CASP8: variants seen among roughly 807,000 people sequenced by gnomAD.
CASP8 encodes the protein caspase 8, also known as caspase-8.
CASP8 carries 24 observed loss-of-function variants against 46.3 expected under a neutral mutation model. The observed-to-expected ratio is 0.52, with a 90% CI of 0.38 to 0.73. The LOEUF (loss-of-function observed/expected upper bound fraction) is 0.73. Among genes scored for constraint, CASP8 ranks in the 30% least tolerant of loss-of-function variants. The pLI is 0.00. For synonymous variants in CASP8, 188 were observed against 200.4 expected (o/e 0.94, Z 0.52); for missense variants, 460 against 559.0 (o/e 0.82, Z 1.79).
upstream of CASP8, among the ~76,000 whole-genome samples, chr2:201,256,396 A>G (rs532259941): frequency 6.6e-6 from 1 of 152,330 alleles, no homozygotes; most frequent in South Asian, 2.1e-4. Context: ...AACTGTTCAG[A>G]AGTGGAAATG....
intron 2 of CASP8, among the ~76,000 whole-genome samples, chr2:201,248,461 CTT>C (rs1424784777): frequency 6.6e-6 from 1 of 152,164 alleles, no homozygotes; most frequent in Non-Finnish European, 1.5e-5. Context: ...CTGAGTGAGA[CTT>C]TCAGTTAATA....
intron 2 of CASP8, among the ~76,000 whole-genome samples, chr2:201,251,455 C>T (rs540488705): frequency 4.6e-5 from 7 of 151,924 alleles, no homozygotes; most frequent in African/African-American, 1.2e-4. Context: ...ATTAGCTGGG[C>T]GTGGTGGCGT....
At chr2:201,235,977 GCTATACCAT>G (rs1393945937) in intron 2 of CASP8, among the ~76,000 whole-genome samples, 1 of 152,110 alleles carries the variant, frequency 6.6e-6, no homozygotes, top group Non-Finnish European at 1.5e-5. Context: ...TGTGTAGTAG[GCTATACCAT>G]CTAGGTTTTG....
At chr2:201,270,193 G>A (rs933116510) in intron 2 of CASP8, among the ~76,000 whole-genome samples, 1 of 152,192 alleles carries the variant, frequency 6.6e-6, no homozygotes, top group African/African-American at 2.4e-5. Flanking sequence ...TATTCCAAGA[G>A]CCTAAATGTG....
chr2:201,264,899 G>A (rs554420588), intron 1 of CASP8, among the ~76,000 whole-genome samples: 1 of 152,216 alleles, frequency 6.6e-6, no homozygotes, highest in African/African-American at 2.4e-5. Flanking sequence ...CCATTCTAGT[G>A]AGAGGGTAGT....
At chr2:201,281,667 C>A (rs1576366737) in intron 7 of CASP8, among the ~76,000 whole-genome samples, 1 of 152,054 alleles carries the variant, frequency 6.6e-6, no homozygotes, top group Non-Finnish European at 1.5e-5. Context: ...TAAGTTGGAT[C>A]TTTTATTCAA....
chr2:201,281,317 A>C (rs576754697), intron 7 of CASP8, among the ~76,000 whole-genome samples: 1 of 152,202 alleles, frequency 6.6e-6, no homozygotes, highest in East Asian at 1.9e-4. Context: ...TTTTCTAAAA[A>C]AAATTAAAAA....
chr2:201,281,451 T>C (rs1296040877), intron 7 of CASP8, among the ~76,000 whole-genome samples: 2 of 152,204 alleles, frequency 1.3e-5, no homozygotes, highest in Admixed American at 6.5e-5. Flanking sequence ...TAATTAGCAG[T>C]GTACCCAAAT....
At chr2:201,257,432 A>G (rs1358851463), upstream of CASP8, among the ~76,000 whole-genome samples, 11 of 149,742 alleles carry the variant, frequency 7.3e-5, no homozygotes, top group Admixed American at 7.3e-4. Flanking sequence ...CAGTGAGTCA[A>G]GATCGCACCA....
In CASP8 at chr2:201,287,104, G is replaced by C. The variant is rs1400121239; in HGVS notation, c.*510G>C. The C allele has an allele frequency of 1.2e-5, 2 of 173,400 alleles. No individual in the cohort carries two copies. Among genetic ancestry groups the C allele is most frequent in the African/African-American group, 4.8e-5 (2 of 41,612 alleles). 10.7% of individuals were successfully genotyped at this position (173,400 alleles called of 1,614,324 possible). A position where few individuals can be genotyped will look rare whatever the true frequency, so the allele number is the denominator to read the frequency against. The stretch of plus-strand genomic sequence containing the variant: ...TTTTAGCTGGTGGCAATAAATACCA[G>C]ACACGTACAAAATCCAGCTATGAAT... On this transcript the variant is annotated 3_prime_UTR_variant, in exon 9 of 9. Transcript: ENST00000673742.
chr2:201,237,412 A>G (rs2124859381), intron 2 of CASP8, among the ~76,000 whole-genome samples: 1 of 150,028 alleles, frequency 6.7e-6, no homozygotes, highest in East Asian at 1.9e-4. Context: ...TCTTTATGAA[A>G]ACATCTCTCC....
chr2:201,249,656 C>T (rs754247230), intron 2 of CASP8, among the ~76,000 whole-genome samples: 15 of 152,066 alleles, frequency 9.9e-5, no homozygotes, highest in Non-Finnish European at 2.2e-4. Context: ...GCGCGGGAGG[C>T]GGAGGTTGCA....
At chr2:201,249,800 C>G (rs1576231955) in intron 2 of CASP8, among the ~76,000 whole-genome samples, 1 of 152,184 alleles carries the variant, frequency 6.6e-6, no homozygotes, top group East Asian at 1.9e-4. Context: ...CTCCCCTCCC[C>G]ACACTTTCCC....
chr2:201,260,461 C>T, upstream of CASP8: 1 of 819,966 alleles, frequency 1.2e-6, no homozygotes, highest in Non-Finnish European at 1.5e-6. Flanking sequence ...GCGCTCTTTC[C>T]CCTCTAGTGT....
rs3769818 is a variant in CASP8 at position 201,286,440 on chromosome 2, A to G, written c.1305-19A>G. ...GCTTTCCCCCACAGACAGTCACAAT[A>G]TTATGTGATGTATTTCAGAGGCGAT... On this transcript the variant is annotated intron_variant, in intron 8 of 8. Transcript: ENST00000673742. The G allele has an allele frequency of 0.72, 1,162,663 of 1,605,558 alleles. 423,619 individuals carry two copies. The highest frequency in any genetic ancestry group is 0.82 in the South Asian group (74,739 of 90,978).
chr2:201,271,366 C>G (rs1345344486), intron 2 of CASP8, 150 bp from the exon 3 acceptor site: 2 of 688,498 alleles, frequency 2.9e-6, no homozygotes, highest in East Asian at 5.4e-5. Context: ...CCACACCAGC[C>G]TCTTTCCAAG....
intron 2 of CASP8, among the ~76,000 whole-genome samples, chr2:201,236,008 T>C (rs922478242): frequency 4.6e-5 from 7 of 152,216 alleles, no homozygotes; most frequent in African/African-American, 1.7e-4. Context: ...ATAAGTACAT[T>C]CTATGATGTT....
At chr2:201,282,895 G>A (rs1394049478) in intron 7 of CASP8, among the ~76,000 whole-genome samples, 1 of 71,776 alleles carries the variant, frequency 1.4e-5, no homozygotes. Flanking sequence ...AGGGGCGGCC[G>A]GGCAGAGGCG....
chr2:201,272,839 G>A lies in CASP8; in HGVS notation c.551-59G>A, dbSNP rs55650839. The A allele has an allele frequency of 2.3e-4, 373 of 1,613,254 alleles. 1 individual carries two copies. The highest frequency in any genetic ancestry group is 2.9e-4 in the Non-Finnish European group (345 of 1,179,318). On this transcript the variant is annotated intron_variant, in intron 4 of 8. Transcript: ENST00000673742. This position sits in a 1 kb window ranked among gnomAD's most constrained non-coding sequence, Gnocchi z 4.4. The stretch of plus-strand genomic sequence containing the variant: ...ACTCTAAAATTGAAACTGACAAATC[G>A]CTCCATATCACAGTTGTTTCTAATC...
Sources: allele counts gnomAD v4.1 joint callset (sites outside exome capture counted in the v4.1 genomes callset), GRCh38; gene constraint gnomAD v4.1.1; non-coding constraint Gnocchi (gnomAD v3.1); transcripts MANE v1.5; gene names NCBI Gene and HGNC (gene_info 2026-07-23, HGNC 2026-07-21).